The following PTPRT variants were observed in gnomAD, a reference collection of about 807,000 sequenced individuals.
PTPRT encodes protein tyrosine phosphatase receptor type T.
A neutral mutation model predicts 176.8 loss-of-function variants in PTPRT; 56 were observed. The ratio of observed to expected loss-of-function variants is 0.32; its 90% CI spans 0.26 to 0.40. The LOEUF (loss-of-function observed/expected upper bound fraction) is 0.40, where lower values mean the gene tolerates loss of function less well. PTPRT is among the 10% of genes least tolerant of loss of function. PTPRT has a pLI of 1.00. For synonymous variants in PTPRT, 783 were observed against 739.0 expected, an observed-to-expected ratio of 1.06 and a Z score of -0.96; for missense variants, 1,540 against 1,908.2, an observed-to-expected ratio of 0.81 and a Z score of 3.60.
intron 1 of PTPRT, among the ~76,000 whole-genome samples, chr20:43,027,819 G>C (rs1220871550): frequency 2.6e-5 from 4 of 152,054 alleles, no homozygotes; most frequent in Non-Finnish European, 5.9e-5. Context: ...ACACAGCACC[G>C]ACAGCATTGA....
At chr20:42,525,325 T>C (rs535516425) in intron 7 of PTPRT, among the ~76,000 whole-genome samples, 1 of 152,316 alleles carries the variant, frequency 6.6e-6, no homozygotes, top group East Asian at 1.9e-4. Flanking sequence ...ATTTTTTCCA[T>C]ATTTGGTCAT....
In PTPRT at chr20:42,427,441, G is replaced by A. The variant is rs111779074; in HGVS notation, c.1560+20779C>T. Among the ~76,000 whole-genome samples, 711 of 152,310 alleles carry A rather than the reference G, an allele frequency of 4.7e-3. 5 individuals are homozygous for A. The highest frequency in any genetic ancestry group is 0.016 in the African/African-American group (651 of 41,564). On this transcript the variant is annotated intron_variant, in intron 9 of 30. Coordinates refer to ENST00000373187, the MANE Select transcript of PTPRT (RefSeq NM_007050.6). ...CAGCAATTTATTGCTCACAATTGAG[G>A]TTGGGAAATCCACGATCAAGGTGCC...
At chr20:42,061,379 G>T in the PTPRT span, among the ~76,000 whole-genome samples, 1 of 152,152 alleles carries the variant, frequency 6.6e-6, no homozygotes. Context: ...GTGCAGAGAA[G>T]CTCATGGACT....
intron 1 of PTPRT, among the ~76,000 whole-genome samples, chr20:42,926,955 C>T (rs1344664178): frequency 6.6e-6 from 1 of 152,124 alleles, no homozygotes; most frequent in Non-Finnish European, 1.5e-5. Context: ...ATGGCTATTA[C>T]CAGGGAAAGG....
At chr20:42,295,733 C>T (rs929974110) in intron 12 of PTPRT, among the ~76,000 whole-genome samples, 1 of 152,190 alleles carries the variant, frequency 6.6e-6, no homozygotes, top group African/African-American at 2.4e-5. Context: ...GGCTTTGTGT[C>T]TCCACCCAAA....
intron 9 of PTPRT, among the ~76,000 whole-genome samples, chr20:42,401,757 A>T (rs2058910594): frequency 1.3e-5 from 2 of 152,204 alleles, no homozygotes; most frequent in African/African-American, 2.4e-5. Flanking sequence ...TTAAATCCCC[A>T]GGCATCATCT....
chr20:43,061,169 C>A (rs1987446824), intron 1 of PTPRT, among the ~76,000 whole-genome samples: 1 of 151,984 alleles, frequency 6.6e-6, no homozygotes, highest in African/African-American at 2.4e-5. Flanking sequence ...ATAAGCATTC[C>A]ACAAGTATTT....
intron 12 of PTPRT, among the ~76,000 whole-genome samples, chr20:42,296,382 T>G (rs1393559798): frequency 6.6e-6 from 1 of 151,694 alleles, no homozygotes; most frequent in Non-Finnish European, 1.5e-5. Flanking sequence ...GGAGGCACGG[T>G]TTGCAGTGAG....
At chr20:42,256,177 T>C (rs1242477100) in intron 13 of PTPRT, among the ~76,000 whole-genome samples, 4 of 152,350 alleles carry the variant, frequency 2.6e-5, no homozygotes, top group South Asian at 2.1e-4. Context: ...AAGATGAAGA[T>C]GCTGGGCAAC....
rs180982521 is a variant in PTPRT, at chr20:42,553,995, C to T, written c.1154-81433G>A. 6.6e-5 allele frequency among the ~76,000 whole-genome samples: 10 copies of T among 152,158 alleles called. No homozygotes were observed. In the East Asian group the frequency reaches 1.9e-3, roughly 29 times the overall value. On this transcript the variant is annotated intron_variant, in intron 7 of 30. Coordinates refer to ENST00000373187, the MANE Select transcript of PTPRT (RefSeq NM_007050.6). ...AGCAGAGTAGAAAATGTCACCAAGGCCGCAGAAAGTGGTAAAAGGAAAAGG... is the reference window on the plus strand; with the variant it reads ...AGCAGAGTAGAAAATGTCACCAAGGTCGCAGAAAGTGGTAAAAGGAAAAGG...
intron 5 of PTPRT, among the ~76,000 whole-genome samples, chr20:42,768,686 T>C (rs2077020332): frequency 6.6e-6 from 1 of 152,228 alleles, no homozygotes; most frequent in East Asian, 1.9e-4. Context: ...TCTCCTTCTA[T>C]CTGGTGTTGT....
chr20:42,539,948 G>A (rs541396227), intron 7 of PTPRT, among the ~76,000 whole-genome samples: 52 of 152,180 alleles, frequency 3.4e-4, no homozygotes, highest in African/African-American at 1.2e-3. Flanking sequence ...TAAAGTTCCA[G>A]AAAAAGAAAG....
chr20:42,962,965 G>A (rs1982079688), intron 1 of PTPRT, among the ~76,000 whole-genome samples: 1 of 152,126 alleles, frequency 6.6e-6, no homozygotes, highest in South Asian at 2.1e-4. Flanking sequence ...TTGGGAGGCT[G>A]AGGCGGGTGG....
At chr20:42,568,125 T>A (rs1389760992) in intron 7 of PTPRT, among the ~76,000 whole-genome samples, 1 of 152,038 alleles carries the variant, frequency 6.6e-6, no homozygotes, top group African/African-American at 2.4e-5. Flanking sequence ...CCCACCACCA[T>A]GCCCGGCTAA....
intron 9 of PTPRT, among the ~76,000 whole-genome samples, chr20:42,363,962 T>C (rs73906923): frequency 0.27 from 41,128 of 152,034 alleles, 5,972 homozygotes; most frequent in Middle Eastern, 0.42. Context: ...AAGGATCAGC[T>C]AGAGTGCAAA....
intron 2 of PTPRT, among the ~76,000 whole-genome samples, chr20:42,863,184 C>T (rs1038517006): frequency 3.3e-5 from 5 of 152,194 alleles, no homozygotes; most frequent in African/African-American, 1.2e-4. Context: ...CTGGCAGTGC[C>T]TGAGCTCTAG....
intron 1 of PTPRT, among the ~76,000 whole-genome samples, chr20:42,893,992 C>T (rs2079245742): frequency 6.6e-6 from 1 of 150,520 alleles, no homozygotes; most frequent in Non-Finnish European, 1.5e-5. Context: ...GCACATGTAC[C>T]CTAAAACTTA....
intron 1 of PTPRT, among the ~76,000 whole-genome samples, chr20:43,012,349 A>G (rs923211138): frequency 6.6e-6 from 1 of 152,200 alleles, no homozygotes; most frequent in African/African-American, 2.4e-5. Flanking sequence ...TTGTATGATT[A>G]CACTTAAGAT....
chr20:42,288,689 C>A (rs1305884713), intron 12 of PTPRT, among the ~76,000 whole-genome samples: 1 of 151,944 alleles, frequency 6.6e-6, no homozygotes, highest in African/African-American at 2.4e-5. Flanking sequence ...CTGCAGAGGA[C>A]ATGGTTTTAT....
Sources: gnomAD v4.1 joint callset for allele counts (sites outside exome capture counted in the v4.1 genomes callset) on GRCh38, gnomAD v4.1.1 for gene constraint, MANE v1.5 for transcripts, NCBI Gene and HGNC (gene_info 2026-07-23, HGNC 2026-07-21) for gene names.